The following CNTN4 variants were observed in gnomAD, a reference collection of about 807,000 sequenced individuals.
CNTN4 encodes contactin 4.
In CNTN4, 77 loss-of-function variants were observed where a neutral mutation model predicts 122.5. That is an observed-to-expected ratio of 0.63 (90% CI 0.52 to 0.76). The LOEUF is 0.76. Among genes scored for constraint, CNTN4 ranks in the 30% least tolerant of loss-of-function variants. The pLI, the probability that CNTN4 is intolerant of heterozygous loss-of-function variation, is 0.00. For missense variants in CNTN4, 1,256 were observed against 1,259.1 expected, an observed-to-expected ratio of 1.00 and a Z score of 0.04; for synonymous variants, 512 against 447.0, an observed-to-expected ratio of 1.15 and a Z score of -1.83.
intron 4 of CNTN4, among the ~76,000 whole-genome samples, chr3:2,622,027 C>A (rs2082009632): frequency 6.6e-6 from 1 of 152,138 alleles, no homozygotes; most frequent in Non-Finnish European, 1.5e-5. Context: ...ATTAAGGGAT[C>A]CTTTTCCAGA....
intron 6 of CNTN4, among the ~76,000 whole-genome samples, chr3:2,757,123 C>T (rs184991775): frequency 1.4e-4 from 22 of 152,240 alleles, no homozygotes; most frequent in Middle Eastern, 3.4e-3. Context: ...ATTATCTGTG[C>T]AAGTTTTGTC....
At chr3:2,290,703 G>T (rs1209009397) in intron 2 of CNTN4, among the ~76,000 whole-genome samples, 5 of 152,174 alleles carry the variant, frequency 3.3e-5, no homozygotes, top group Non-Finnish European at 7.4e-5. Flanking sequence ...TGTTGCGAGG[G>T]AACAGGAAGC....
chr3:2,327,303 A>G (rs1282882565), intron 2 of CNTN4, among the ~76,000 whole-genome samples: 1 of 152,218 alleles, frequency 6.6e-6, no homozygotes, highest in Non-Finnish European at 1.5e-5. Flanking sequence ...CAAGAAATCA[A>G]TCCTGGAAGT....
chr3:2,662,788 C>T (rs955244961), intron 4 of CNTN4, among the ~76,000 whole-genome samples: 16 of 152,080 alleles, frequency 1.1e-4, no homozygotes, highest in Non-Finnish European at 2.2e-4. Flanking sequence ...AGACCACCTG[C>T]GGAAGAGTGT....
intron 14 of CNTN4, among the ~76,000 whole-genome samples, chr3:3,003,477 A>G (rs1248961044): frequency 6.6e-6 from 1 of 152,120 alleles, no homozygotes; most frequent in African/African-American, 2.4e-5. Flanking sequence ...ATGCTAAGTG[A>G]AAGAAGCCAG....
At chr3:2,350,519 A>G (rs1389399245) in intron 3 of CNTN4, among the ~76,000 whole-genome samples, 1 of 152,176 alleles carries the variant, frequency 6.6e-6, no homozygotes, top group East Asian at 1.9e-4. Context: ...ATTGCTGTAA[A>G]GTGCTCTGTA....
intron 4 of CNTN4, among the ~76,000 whole-genome samples, chr3:2,618,251 A>ATG (rs2081852597): frequency 6.6e-6 from 1 of 151,998 alleles, no homozygotes; most frequent in Non-Finnish European, 1.5e-5. Flanking sequence ...GGGTATATAT[A>ATG]TATATGGAAT....
At chr3:2,952,025 A>G (rs987338948) in intron 13 of CNTN4, among the ~76,000 whole-genome samples, 3 of 152,246 alleles carry the variant, frequency 2.0e-5, no homozygotes, top group Non-Finnish European at 4.4e-5. Context: ...TCTAAAAGTC[A>G]GTAAACACAG....
At chr3:2,186,345 G>T (rs1431425777) in intron 2 of CNTN4, among the ~76,000 whole-genome samples, 1 of 152,114 alleles carries the variant, frequency 6.6e-6, no homozygotes, top group Admixed American at 6.5e-5. Context: ...GGACATTTGG[G>T]TTGGTTCCAA....
rs2079864851 is a variant in CNTN4, at chr3:2,580,033, TTGTATGTGTG to T, written c.55+8479_55+8488del. Among the ~76,000 whole-genome samples, 3 of 62,644 alleles carry T rather than the reference TTGTATGTGTG, an allele frequency of 4.8e-5. No individual in the cohort carries two copies. In the South Asian group the frequency reaches 1.9e-3, roughly 39 times the overall value. The allele number at this position is 62,644 out of a possible 152,430, so 41.1% of individuals were successfully genotyped here. A position where few individuals can be genotyped will look rare whatever the true frequency, so the allele number is the denominator to read the frequency against. On this transcript the variant is annotated intron_variant, in intron 4 of 24. Coordinates refer to ENST00000418658, the MANE Select transcript of CNTN4 (RefSeq NM_175607.3). ...GAACAAATACCTAAATTGGTTAAGCTTGTATGTGTGTGTGTGTGTGTGTGTGTATGTACAT... is the reference window on the plus strand; with the variant it reads ...GAACAAATACCTAAATTGGTTAAGCTTGTGTGTGTGTGTGTGTATGTACAT...
At chr3:2,394,148 G>A (rs1035284115) in intron 3 of CNTN4, among the ~76,000 whole-genome samples, 1 of 150,622 alleles carries the variant, frequency 6.6e-6, no homozygotes, top group Non-Finnish European at 1.5e-5. Context: ...TGCAGAGTGT[G>A]TCGTTTAAAA....
intron 4 of CNTN4, among the ~76,000 whole-genome samples, chr3:2,585,798 C>A (rs138839379): frequency 1.3e-5 from 2 of 150,734 alleles, no homozygotes; most frequent in Admixed American, 1.3e-4. Context: ...TGTAACAAAC[C>A]TGCACATTGT....
chr3:3,053,551 CG>C (rs1318392677), intron 23 of CNTN4, among the ~76,000 whole-genome samples: 2 of 152,160 alleles, frequency 1.3e-5, no homozygotes, highest in Non-Finnish European at 2.9e-5. Context: ...ACTGAGCCTC[CG>C]AGAGGCTAGG....
At chr3:2,508,673 C>G (rs932430538) in intron 3 of CNTN4, among the ~76,000 whole-genome samples, 1 of 152,070 alleles carries the variant, frequency 6.6e-6, no homozygotes, top group African/African-American at 2.4e-5. Flanking sequence ...GTTTCAATAC[C>G]AAGTCTAAAA....
chr3:2,726,438 G>A (rs1046476212), intron 4 of CNTN4, among the ~76,000 whole-genome samples: 3 of 152,192 alleles, frequency 2.0e-5, no homozygotes, highest in Non-Finnish European at 4.4e-5. Context: ...TGAGTTGAAA[G>A]AGTAGGAGGG....
intron 7 of CNTN4, among the ~76,000 whole-genome samples, chr3:2,824,125 T>C (rs1398680567): frequency 6.7e-6 from 1 of 148,344 alleles, no homozygotes; most frequent in East Asian, 2.0e-4. Context: ...ATATTCCGAT[T>C]CCATAAATCT....
chr3:2,876,486 A>T (rs900151245), intron 8 of CNTN4, among the ~76,000 whole-genome samples: 5 of 152,064 alleles, frequency 3.3e-5, no homozygotes, highest in Non-Finnish European at 5.9e-5. Context: ...TCAGGAGAAA[A>T]TCCCACTCTG....
At chr3:2,169,912 A>G (rs1170946058) in intron 2 of CNTN4, among the ~76,000 whole-genome samples, 1 of 152,236 alleles carries the variant, frequency 6.6e-6, no homozygotes, top group Admixed American at 6.5e-5. Context: ...TTCAGATTGT[A>G]TATGGGTTCT....
rs536140006 is a variant in CNTN4, at chr3:2,714,374, G to A, written c.56-21841G>A. 3.3e-4 allele frequency among the ~76,000 whole-genome samples: 50 copies of A among 152,256 alleles called. 1 individual carries two copies. The highest frequency in any genetic ancestry group is 1.2e-3 in the African/African-American group (48 of 41,560). ...CATACTGTTCTGTAGAAAAATCTAT[G>A]TGTAGCCCTAGGAAATGATGTGACT... is the stretch of plus-strand genomic sequence containing the variant. On this transcript the variant is annotated intron_variant, in intron 4 of 24. Coordinates refer to ENST00000418658, the MANE Select transcript of CNTN4 (RefSeq NM_175607.3).
Sources: allele counts gnomAD v4.1 joint callset (sites outside exome capture counted in the v4.1 genomes callset), GRCh38; gene constraint gnomAD v4.1.1; transcripts MANE v1.5; gene names NCBI Gene and HGNC (gene_info 2026-07-23, HGNC 2026-07-21).